Variants in TRIP4 observed in about 807,000 individuals in gnomAD.
TRIP4 encodes the protein activating signal cointegrator 1.
TRIP4 carries 54 observed loss-of-function variants against 81.8 expected under a neutral mutation model. The ratio of observed to expected loss-of-function variants is 0.66; its 90% CI spans 0.53 to 0.83. TRIP4 has a LOEUF of 0.83. Among genes scored for constraint, TRIP4 ranks in the 40% least tolerant of loss-of-function variants. TRIP4 has a pLI of 0.00. For synonymous variants in TRIP4, 270 were observed against 242.8 expected (o/e 1.11, Z -1.04); for missense variants, 662 against 683.6 (o/e 0.97, Z 0.35).
chr15:64,449,764 A>G (rs922866257), intron 12 of TRIP4, among the ~76,000 whole-genome samples: 2 of 152,218 alleles, frequency 1.3e-5, no homozygotes, highest in Admixed American at 6.5e-5. Context: ...TCTGCTTTAT[A>G]TAGGTTGAAT....
Position 64,418,108 on chromosome 15 carries a change from T to TTTG in TRIP4, c.1171-412_1171-410dup, listed in dbSNP as rs570595221. On this transcript the variant is annotated intron_variant, in intron 8 of 12. Transcript: ENST00000261884. ...CAGACAAAGATGGGATTATTTTTCATTTGTTGTTGTTGTTGTTGTTGTTCT... is the reference window on the plus strand; with the variant it reads ...CAGACAAAGATGGGATTATTTTTCATTTGTTGTTGTTGTTGTTGTTGTTGTTCT... Among the ~76,000 whole-genome samples the TTTG allele has an allele frequency of 2.6e-3, 393 of 152,060 alleles. 4 individuals are homozygous for TTTG. Among genetic ancestry groups the TTTG allele is most frequent in the African/African-American group, 8.6e-3 (355 of 41,490 alleles).
At chr15:64,398,244 A>C (rs1039729330) in intron 4 of TRIP4, among the ~76,000 whole-genome samples, 6 of 151,244 alleles carry the variant, frequency 4.0e-5, no homozygotes, top group African/African-American at 9.7e-5. Flanking sequence ...TATCCAGTGA[A>C]CTCGAGTGTC....
At chr15:64,421,294 T>A (rs1320815559) in intron 9 of TRIP4, among the ~76,000 whole-genome samples, 1 of 149,608 alleles carries the variant, frequency 6.7e-6, no homozygotes, top group Non-Finnish European at 1.5e-5. Context: ...AAAAAAAAAA[T>A]TATAATACTA....
At chr15:64,393,366 C>G (rs1217946298) in intron 1 of TRIP4, 1 of 150,956 alleles carries the variant, frequency 6.6e-6, no homozygotes, top group African/African-American at 2.4e-5. Flanking sequence ...ACCGTGTTAG[C>G]CAGGATGGTC....
chr15:64,396,266 CTTTTT>C (rs60341744), intron 3 of TRIP4, among the ~76,000 whole-genome samples: 1 of 64,704 alleles, frequency 1.5e-5, no homozygotes, highest in Non-Finnish European at 2.9e-5. Context: ...TATCTAGCTG[CTTTTT>C]TTTTTTTTTT....
intron 8 of TRIP4, 81 bp from the exon 9 acceptor site, chr15:64,418,460 A>G (rs745753993): frequency 3.0e-4 from 412 of 1,380,608 alleles, no homozygotes; most frequent in Non-Finnish European, 3.8e-4. Context: ...TTTCCTCATT[A>G]TTAGCATTCG....
At chr15:64,421,467 C>G (rs1171734896) in intron 9 of TRIP4, among the ~76,000 whole-genome samples, 2 of 151,226 alleles carry the variant, frequency 1.3e-5, no homozygotes, top group East Asian at 4.2e-4. Context: ...TCTCGAGTAG[C>G]TGGGATTACA....
chr15:64,395,943 C>T (rs972169637), intron 3 of TRIP4, among the ~76,000 whole-genome samples: 2 of 150,936 alleles, frequency 1.3e-5, no homozygotes, highest in Non-Finnish European at 2.9e-5. Context: ...GAGTCTCGCT[C>T]TGTCGCCCAG....
Position 64,387,944 on chromosome 15 carries a change from T to C in TRIP4, c.81T>C (p.Asp27=), listed in dbSNP as rs1899996647. Residue 27 remains aspartate (D), a synonymous_variant, in exon 1 of 13, where the codon GAT becomes GAC. Coordinates refer to ENST00000261884, the MANE Select transcript of TRIP4 (RefSeq NM_016213.5). ...TQQLRKTFGL[D]VSEEIIQYVL... ...AGTTGCGGAAGACTTTCGGCCTGGA[T>C]GTCAGCGAGGAGATCATTCAGTGAG... The C allele has an allele frequency of 1.3e-6, 2 of 1,550,868 alleles. No individual in the cohort carries two copies. Among genetic ancestry groups the C allele is most frequent in the Non-Finnish European group, 1.7e-6 (2 of 1,146,926 alleles).
chr15:64,423,809 C>G (rs541362667), intron 9 of TRIP4, among the ~76,000 whole-genome samples: 1 of 152,194 alleles, frequency 6.6e-6, no homozygotes, highest in South Asian at 2.1e-4. Flanking sequence ...GATGACTTGT[C>G]GCTATTCTGA....
chr15:64,420,022 G>A (rs1046888850), intron 9 of TRIP4, among the ~76,000 whole-genome samples: 1 of 151,872 alleles, frequency 6.6e-6, no homozygotes, highest in Non-Finnish European at 1.5e-5. Context: ...CACCATGTTG[G>A]CCAGGCTGGT....
intron 11 of TRIP4, among the ~76,000 whole-genome samples, chr15:64,429,607 G>A (rs994528875): frequency 4.6e-5 from 7 of 152,174 alleles, no homozygotes; most frequent in Non-Finnish European, 1.5e-5. Context: ...AAAACTTTGA[G>A]CATAAATTAA....
At chr15:64,448,335 A>C (rs1201988001) in intron 12 of TRIP4, among the ~76,000 whole-genome samples, 3 of 152,134 alleles carry the variant, frequency 2.0e-5, no homozygotes, top group Non-Finnish European at 2.9e-5. Flanking sequence ...TTTTCTCCAT[A>C]AGGTTTCATG....
At chr15:64,421,901 G>A (rs182233847) in intron 9 of TRIP4, among the ~76,000 whole-genome samples, 44 of 151,996 alleles carry the variant, frequency 2.9e-4, no homozygotes, top group East Asian at 5.9e-4. Context: ...AAAAATTAGC[G>A]GAGCATGGTG....
At chr15:64,406,295 G>A in intron 5 of TRIP4, 35 bp from the exon 6 acceptor site, 1 of 1,609,704 alleles carries the variant, frequency 6.2e-7, no homozygotes, top group Non-Finnish European at 8.5e-7. Context: ...TGTATTTAGA[G>A]GCTGACACCA....
At chr15:64,430,885 T>C (rs2140304420) in intron 11 of TRIP4, among the ~76,000 whole-genome samples, 1 of 152,298 alleles carries the variant, frequency 6.6e-6, no homozygotes, top group East Asian at 1.9e-4. Flanking sequence ...ACTTGTAGTC[T>C]TCCAATAGGG....
chr15:64,408,200 A>G (rs1426779863), intron 6 of TRIP4, among the ~76,000 whole-genome samples: 3 of 149,322 alleles, frequency 2.0e-5, no homozygotes, highest in Non-Finnish European at 4.4e-5. Context: ...GGCCTCCCAA[A>G]GTGCTGGAAT....
chr15:64,431,848 T>TATATATATA (rs879733141), intron 11 of TRIP4, among the ~76,000 whole-genome samples: 3 of 8,278 alleles, frequency 3.6e-4, no homozygotes, highest in African/African-American at 4.4e-4. Flanking sequence ...TATATATATA[T>TATATATATA]TTTTTTTATC....
chr15:64,395,755 TC>T (rs769287591), intron 3 of TRIP4, among the ~76,000 whole-genome samples: 6 of 149,468 alleles, frequency 4.0e-5, no homozygotes, highest in African/African-American at 1.2e-4. Flanking sequence ...TTTTTTTTTT[TC>T]CCCAAGACAG....
Sources: allele counts gnomAD v4.1 joint callset (sites outside exome capture counted in the v4.1 genomes callset), GRCh38; gene constraint gnomAD v4.1.1; transcripts MANE v1.5; gene names NCBI Gene and HGNC (gene_info 2026-07-23, HGNC 2026-07-21).